CRYAB: variants seen among roughly 807,000 people sequenced by gnomAD.
CRYAB encodes alpha-crystallin B chain.
In CRYAB, 9 loss-of-function variants were observed where a neutral mutation model predicts 12.7. The ratio of observed to expected loss-of-function variants is 0.71; its 90% confidence interval spans 0.43 to 1.24. CRYAB has a LOEUF of 1.24. CRYAB is among the 50% of genes most tolerant of loss of function. CRYAB has a pLI of 0.00. For missense variants in CRYAB, 183 were observed against 226.6 expected (o/e 0.81, Z 1.24); for synonymous variants, 93 against 86.8 (o/e 1.07, Z -0.40).
At position 111,911,606 on chromosome 11, in the gene CRYAB, G is replaced by A. The variant is rs782122417; in HGVS notation, c.119C>T (p.Thr40Met). The A allele has an allele frequency of 5.3e-5, 85 of 1,612,988 alleles. No individual in the cohort carries two copies. The highest frequency in any genetic ancestry group is 6.8e-5 in the Non-Finnish European group (80 of 1,179,752). ...GTAGAAGGGACTCAGGGAAGTAGAC[G>A]TCGGGAAAAGATCAGACTCCAACAG... ...EHLLESDLFPTSTSLSPFYLR... is the reference protein window; with the variant it reads ...EHLLESDLFPMSTSLSPFYLR... The change falls in exon 1 of 3, where the codon ACG becomes ATG. Residue 40 changes from threonine to methionine, a missense_variant. This residue lies in a region of CRYAB where 86 missense variants were observed against 96.1 expected (regional missense o/e 0.89). Transcript: ENST00000650687.
At chr11:111,910,246 C>T in intron 2 of CRYAB, 81 bp downstream of exon 2, 3 of 1,570,346 alleles carry the variant, frequency 1.9e-6, no homozygotes, top group Non-Finnish European at 1.7e-6. Flanking sequence ...TGTAGCCAGC[C>T]TCCAAAGCTG....
intron 2 of CRYAB, 173 bp downstream of exon 2, chr11:111,910,154 C>T (rs1231441718): frequency 1.2e-6 from 1 of 800,524 alleles, no homozygotes; most frequent in Non-Finnish European, 2.1e-6. Flanking sequence ...ATAGTAACAA[C>T]AGCAATATGT....
At chr11:111,912,378 T>A, upstream of CRYAB, 1 of 185,538 alleles carries the variant, frequency 5.4e-6, no homozygotes, top group Non-Finnish European at 1.1e-5. Flanking sequence ...TCTTTCGTTC[T>A]ATGTGGCTCT....
intron 1 of CRYAB, chr11:111,919,326 A>T: frequency 3.5e-6 from 1 of 282,056 alleles, no homozygotes; most frequent in Non-Finnish European, 7.0e-6. Flanking sequence ...TACAAAAATT[A>T]GCTGGGCATG....
upstream of CRYAB, among the ~76,000 whole-genome samples, chr11:111,915,379 GTTCATTCATTCATTCAGTAAAT>G (rs1555166053): frequency 6.6e-6 from 1 of 152,132 alleles, no homozygotes; most frequent in East Asian, 1.9e-4. Context: ...ATATTTAACT[GTTCATTCATTCATTCAGTAAAT>G]ATTTATCAAA....
At chr11:111,914,441 G>T (rs761332029), upstream of CRYAB, among the ~76,000 whole-genome samples, 106 of 152,186 alleles carry the variant, frequency 7.0e-4, 1 homozygote, top group Non-Finnish European at 1.1e-3. Flanking sequence ...CTGGGAAAAT[G>T]GTTTTTGGCT....
chr11:111,913,116 C>T (rs978626652), upstream of CRYAB: 4 of 626,656 alleles, frequency 6.4e-6, no homozygotes, highest in Non-Finnish European at 1.2e-5. Context: ...TCAAGACACA[C>T]TTGGTGCTTG....
chr11:111,913,848 C>T (rs1555165921), upstream of CRYAB: 5 of 1,613,622 alleles, frequency 3.1e-6, no homozygotes, highest in South Asian at 4.4e-5. Flanking sequence ...GCTCCCTGCG[C>T]CTCCTGATCC....
At chr11:111,912,749 G>T, upstream of CRYAB, 2 of 1,114,762 alleles carry the variant, frequency 1.8e-6, no homozygotes, top group Non-Finnish European at 2.6e-6. Context: ...ATCGAGCCCT[G>T]GCTCTCCGGG....
chr11:111,910,932 AT>A, intron 1 of CRYAB: 1 of 256,668 alleles, frequency 3.9e-6, no homozygotes, highest in South Asian at 5.0e-5. Flanking sequence ...CCAGAGTGTT[AT>A]CTGTGACAGC....
At chr11:111,909,968 C>T (rs1459585038) in intron 2 of CRYAB, 14 of 593,090 alleles carry the variant, frequency 2.4e-5, no homozygotes, top group Admixed American at 2.1e-4. Flanking sequence ...GAGTAGTGCT[C>T]GCTTCGGCAG....
At chr11:111,912,940 A>AG, upstream of CRYAB, 3 of 1,383,056 alleles carry the variant, frequency 2.2e-6, no homozygotes, top group Non-Finnish European at 1.9e-6. Context: ...CACAGACACC[A>AG]CCCCCTTGCC....
At chr11:111,915,427 C>A (rs1965583221), upstream of CRYAB, among the ~76,000 whole-genome samples, 1 of 152,082 alleles carries the variant, frequency 6.6e-6, no homozygotes, top group Admixed American at 6.5e-5. Context: ...TGTAATACAC[C>A]TTGGGGGATA....
chr11:111,913,497 C>G (rs1555165852), upstream of CRYAB: 1 of 1,613,652 alleles, frequency 6.2e-7, no homozygotes, highest in Admixed American at 1.7e-5. Context: ...CTATGTCCGG[C>G]CTCGGGCCGC....
upstream of CRYAB, chr11:111,912,876 A>G: frequency 1.9e-6 from 3 of 1,609,984 alleles, no homozygotes; most frequent in East Asian, 2.2e-5. Flanking sequence ...ACCGCCGAGT[A>G]CGAATTTGCC....
intron 1 of CRYAB, chr11:111,918,687 T>G: frequency 2.9e-6 from 2 of 684,464 alleles, no homozygotes; most frequent in Non-Finnish European, 5.4e-6. Context: ...GGTTTCTTTT[T>G]ATTGAAGCTT....
At chr11:111,920,460 CT>C (rs1555166446) in intron 1 of CRYAB, among the ~76,000 whole-genome samples, 1 of 151,886 alleles carries the variant, frequency 6.6e-6, no homozygotes, top group African/African-American at 2.4e-5. Flanking sequence ...ATCCCTTAAG[CT>C]TGGGAGACAG....
Position 111,908,996 on chromosome 11 carries a change from G to A in CRYAB, c.325-29C>T, listed in dbSNP as rs782638655. Reference sequence around the variant, plus strand: ...ACCCAAAAGAATGAGGAAAGAGGCAGAGAGATAAGAACAGGAACTATTATC... The same window carrying A: ...ACCCAAAAGAATGAGGAAAGAGGCAAAGAGATAAGAACAGGAACTATTATC... On this transcript the variant is annotated intron_variant, in intron 2 of 2. Coordinates refer to ENST00000650687, the MANE Select transcript of CRYAB (RefSeq NM_001289808.2). 47 of 1,612,054 alleles carry A rather than the reference G, an allele frequency of 2.9e-5. No homozygotes were observed. The South Asian group carries it at 4.6e-4, about 16-fold the overall frequency.
chr11:111,923,334 C>G (rs1271790242), intron 1 of CRYAB, among the ~76,000 whole-genome samples: 1 of 152,160 alleles, frequency 6.6e-6, no homozygotes, highest in Non-Finnish European at 1.5e-5. Context: ...AAAACAGAAA[C>G]CTCTGTCAAA....
Sources: gnomAD v4.1 joint callset for allele counts (sites outside exome capture counted in the v4.1 genomes callset) on GRCh38, gnomAD v4.1.1 for gene constraint, gnomAD v4.1.1 regional missense constraint, MANE v1.5 for transcripts, NCBI Gene and HGNC (gene_info 2026-07-23, HGNC 2026-07-21) for gene names.